Variants in SENP5 observed in about 807,000 individuals in gnomAD.
SENP5 encodes SUMO specific peptidase 5.
In SENP5, 21 loss-of-function variants were observed where a neutral mutation model predicts 74.2. The ratio of observed to expected loss-of-function variants is 0.28; its 90% CI spans 0.20 to 0.41. SENP5 has a LOEUF of 0.41. Ranked by LOEUF, SENP5 falls within the 10% of genes least tolerant of loss-of-function variation. The pLI is 1.00. For synonymous variants in SENP5, 311 were observed against 312.7 expected, an observed-to-expected ratio of 0.99 and a Z score of 0.06; for missense variants, 717 against 889.1, an observed-to-expected ratio of 0.81 and a Z score of 2.46.
intron 1 of SENP5, among the ~76,000 whole-genome samples, chr3:196,878,110 T>C (rs886098005): frequency 6.6e-6 from 1 of 152,178 alleles, no homozygotes; most frequent in Non-Finnish European, 1.5e-5. Context: ...CAGAAAAGAC[T>C]AATGGCAACT....
In SENP5 at chr3:196,910,335, C is replaced by CTTTTT. The variant is rs869108574; in HGVS notation, c.1884+6750_1884+6754dup. Among the ~76,000 whole-genome samples the CTTTTT allele has an allele frequency of 1.8e-4, 9 of 51,370 alleles. 1 individual carries two copies. The highest frequency in any genetic ancestry group is 7.3e-4 in the East Asian group (1 of 1,370). The allele number at this position is 51,370 out of a possible 152,430, so 33.7% of individuals were successfully genotyped here. ...AAATGGCCATACTGCCCAAAGTAAT[C>CTTTTT]TTTTTTTTTTTTTTTTTTTTTTTTT... is the stretch of plus-strand genomic sequence containing the variant. On this transcript the variant is annotated intron_variant, in intron 6 of 9. Transcript: ENST00000323460.
intron 2 of SENP5, among the ~76,000 whole-genome samples, chr3:196,891,157 C>G (rs1009281798): frequency 6.6e-6 from 1 of 152,064 alleles, no homozygotes; most frequent in Admixed American, 6.6e-5. Context: ...TGTGGATGCA[C>G]CTTGGAAGCA....
intron 2 of SENP5, among the ~76,000 whole-genome samples, chr3:196,887,368 T>C (rs998432539): frequency 6.6e-6 from 1 of 151,864 alleles, no homozygotes; most frequent in African/African-American, 2.4e-5. Context: ...TTAGTAGAGA[T>C]GGGGTTTCAC....
At chr3:196,873,485 A>G (rs1333300386) in intron 1 of SENP5, among the ~76,000 whole-genome samples, 3 of 152,150 alleles carry the variant, frequency 2.0e-5, no homozygotes, top group African/African-American at 4.8e-5. Context: ...TAAAAAAACA[A>G]AAGCCCTTCA....
chr3:196,931,100 G>C lies in SENP5; in HGVS notation c.*177G>C. The stretch of plus-strand genomic sequence containing the variant: ...ATTTCTCCAGCTACCATGTACTATT[G>C]TTTAATGTTCAGTTTGGTTTCATTT... On this transcript the variant is annotated 3_prime_UTR_variant, in exon 10 of 10. Transcript: ENST00000323460. 1 of 575,500 alleles carries C rather than the reference G, an allele frequency of 1.7e-6. No homozygotes were observed. Among genetic ancestry groups the C allele is most frequent in the Middle Eastern group, 3.7e-4 (1 of 2,684 alleles). The allele number at this position is 575,500 out of a possible 1,614,324, so 35.6% of individuals were successfully genotyped here. A position where few individuals can be genotyped will look rare whatever the true frequency, so the allele number is the denominator to read the frequency against.
rs1269592945 is a variant in SENP5, at chr3:196,923,405, C to G, written c.1885-9C>G. On this transcript the variant is annotated splice_polypyrimidine_tract_variant and intron_variant, in intron 6 of 9. Transcript: ENST00000323460. ...TGATGGCTGCATTTCTTTCTCTTTT[C>G]TTGATCAGGTGGATTTGTTTAAAAA... is the stretch of plus-strand genomic sequence containing the variant. 1 of 1,592,590 alleles carries G rather than the reference C, an allele frequency of 6.3e-7. No individual in the cohort carries two copies. The highest frequency in any genetic ancestry group is 8.5e-7 in the Non-Finnish European group (1 of 1,173,672).
In SENP5 at chr3:196,885,230, T is replaced by A; in HGVS notation, c.49T>A (p.Phe17Ile). 2 of 1,613,984 alleles carry A rather than the reference T, an allele frequency of 1.2e-6. No homozygotes were observed. The highest frequency in any genetic ancestry group is 1.7e-6 in the Non-Finnish European group (2 of 1,179,988). ...ATGGAGGAAAGGAATCCACTTAGCCTTTTCTGAGAAATGGAATACTGGGTT... is the reference window on the plus strand; with the variant it reads ...ATGGAGGAAAGGAATCCACTTAGCCATTTCTGAGAAATGGAATACTGGGTT... ...ILWRKGIHLA[F>I]SEKWNTGFGG... Residue 17 changes from phenylalanine to isoleucine, a missense_variant, in exon 2 of 10, where the codon TTT (phenylalanine) becomes ATT (isoleucine). Transcript: ENST00000323460.
At chr3:196,903,305 A>G (rs924578575) in intron 5 of SENP5, among the ~76,000 whole-genome samples, 1 of 152,028 alleles carries the variant, frequency 6.6e-6, no homozygotes, top group Non-Finnish European at 1.5e-5. Context: ...ACGCCCGGCT[A>G]ATTTTTGTAT....
intron 2 of SENP5, 60 bp downstream of exon 2, chr3:196,886,754 C>T: frequency 7.3e-7 from 1 of 1,371,930 alleles, no homozygotes; most frequent in Non-Finnish European, 9.8e-7. Context: ...GTGCATTATC[C>T]TTGCTAATAA....
In SENP5 at chr3:196,896,928, G is replaced by A. The variant is rs146361692; in HGVS notation, c.1514-2738G>A. ...TCATCTAGGGTTCTCCTTGAAGATC[G>A]TACCTTGAAGGGCATTTCTACCGAA... On this transcript the variant is annotated intron_variant, in intron 2 of 9. Coordinates refer to ENST00000323460, the MANE Select transcript of SENP5 (RefSeq NM_152699.5). Among the ~76,000 whole-genome samples the A allele has an allele frequency of 2.0e-5, 3 of 152,264 alleles. No homozygotes were observed. The East Asian group carries it at 5.8e-4, about 29-fold the overall frequency.
intron 5 of SENP5, 24 bp from the exon 6 acceptor site, chr3:196,903,509 G>A: frequency 6.6e-7 from 1 of 1,512,980 alleles, no homozygotes; most frequent in Non-Finnish European, 9.0e-7. Flanking sequence ...TAATCTGGTT[G>A]CTTGTGTTTG....
intron 1 of SENP5, among the ~76,000 whole-genome samples, chr3:196,875,030 A>G (rs1713394432): frequency 6.6e-6 from 1 of 152,226 alleles, no homozygotes; most frequent in South Asian, 2.1e-4. Context: ...TCCTCTTTTC[A>G]GAATTCTTGA....
At chr3:196,879,663 T>TA (rs1713636584) in intron 1 of SENP5, among the ~76,000 whole-genome samples, 2 of 152,186 alleles carry the variant, frequency 1.3e-5, no homozygotes, top group African/African-American at 4.8e-5. Flanking sequence ...ATTCTTGACT[T>TA]ACTCCCATAT....
Position 196,883,596 on chromosome 3 carries a change from G to T in SENP5, c.-31-1555G>T, listed in dbSNP as rs192831330. Among the ~76,000 whole-genome samples the T allele has an allele frequency of 7.7e-4, 117 of 152,242 alleles. 1 individual carries two copies. The highest frequency in any genetic ancestry group is 5.2e-3 in the South Asian group (25 of 4,818). On this transcript the variant is annotated intron_variant, in intron 1 of 9. Transcript: ENST00000323460. ...TGCTTCTTATTCAGACTTTGAGCCA[G>T]CGTTTCCTTTTCAACACCACCCATA...
intron 6 of SENP5, among the ~76,000 whole-genome samples, chr3:196,921,503 A>G (rs981207671): frequency 3.3e-5 from 5 of 152,194 alleles, no homozygotes; most frequent in Admixed American, 1.3e-4. Flanking sequence ...TCTAATTTTT[A>G]TACAAAAATC....
At chr3:196,882,828 C>G (rs1713785497) in intron 1 of SENP5, among the ~76,000 whole-genome samples, 1 of 152,092 alleles carries the variant, frequency 6.6e-6, no homozygotes, top group Non-Finnish European at 1.5e-5. Flanking sequence ...TAATAATGAC[C>G]ACTAAGAAAC....
intron 1 of SENP5, among the ~76,000 whole-genome samples, chr3:196,877,488 A>G (rs1313828399): frequency 6.6e-6 from 1 of 152,198 alleles, no homozygotes; most frequent in Admixed American, 6.5e-5. Context: ...CCCGGCCACT[A>G]TCTCGCTATT....
At chr3:196,892,699 C>G (rs1577810667) in intron 2 of SENP5, among the ~76,000 whole-genome samples, 1 of 152,268 alleles carries the variant, frequency 6.6e-6, no homozygotes, top group East Asian at 1.9e-4. Flanking sequence ...TGACCCTTGA[C>G]CAACATCTTC....
chr3:196,912,428 G>C (rs1045277002), intron 6 of SENP5, among the ~76,000 whole-genome samples: 12 of 152,128 alleles, frequency 7.9e-5, no homozygotes, highest in African/African-American at 2.9e-4. Context: ...TCAGGGGGTT[G>C]GGGGCAAAGA....
Sources: gnomAD v4.1 joint callset for allele counts (sites outside exome capture counted in the v4.1 genomes callset) on GRCh38, gnomAD v4.1.1 for gene constraint, MANE v1.5 for transcripts, NCBI Gene and HGNC (gene_info 2026-07-23, HGNC 2026-07-21) for gene names.